The following DNAH12 variants were observed in gnomAD, a reference collection of about 807,000 sequenced individuals.
The protein encoded by DNAH12 is axonemal beta dynein heavy chain 12.
In DNAH12, 285 loss-of-function variants were observed where a neutral mutation model predicts 371.5. The observed-to-expected ratio is 0.77, with a 90% CI of 0.70 to 0.85. The LOEUF (loss-of-function observed/expected upper bound fraction) is 0.85, where lower values mean the gene tolerates loss of function less well. Ranked by LOEUF, DNAH12 falls within the 40% of genes least tolerant of loss-of-function variation. DNAH12 has a pLI of 0.00. For missense variants in DNAH12, 3,611 were observed against 3,689.4 expected, an observed-to-expected ratio of 0.98 and a Z score of 0.55; for synonymous variants, 1,200 against 1,213.0, an observed-to-expected ratio of 0.99 and a Z score of 0.22.
chr3:57,389,381 C>A (rs2063562073), intron 45 of DNAH12, among the ~76,000 whole-genome samples: 1 of 151,696 alleles, frequency 6.6e-6, no homozygotes, highest in Non-Finnish European at 1.5e-5. Context: ...ACTGTATCTT[C>A]AAAAAAAAGA....
intron 60 of DNAH12, among the ~76,000 whole-genome samples, chr3:57,342,380 C>A (rs1297673905): frequency 1.3e-5 from 2 of 150,776 alleles, no homozygotes; most frequent in Admixed American, 1.3e-4. Flanking sequence ...GTGGCTTATG[C>A]CTGTAATCCC....
intron 40 of DNAH12, among the ~76,000 whole-genome samples, chr3:57,407,761 T>C (rs1553681747): frequency 6.6e-6 from 1 of 151,986 alleles, no homozygotes; most frequent in Non-Finnish European, 1.5e-5. Context: ...ATATGGGGAG[T>C]CTTGTTGTCT....
intron 55 of DNAH12, among the ~76,000 whole-genome samples, chr3:57,371,581 A>G (rs1262591010): frequency 6.6e-6 from 1 of 151,890 alleles, no homozygotes; most frequent in Non-Finnish European, 1.5e-5. Flanking sequence ...CAGGAGGCTG[A>G]GCCCAGGAGG....
intron 25 of DNAH12, among the ~76,000 whole-genome samples, chr3:57,450,041 A>T (rs1372165404): frequency 6.6e-6 from 1 of 152,200 alleles, no homozygotes; most frequent in Non-Finnish European, 1.5e-5. Flanking sequence ...TGAGGTCAGG[A>T]GTTCAAGACC....
chr3:57,410,568 C>A (rs1307019537), intron 39 of DNAH12, among the ~76,000 whole-genome samples: 1 of 151,964 alleles, frequency 6.6e-6, no homozygotes, highest in African/African-American at 2.4e-5. Flanking sequence ...CCTGTAATCC[C>A]AGTGCTTTAG....
At chr3:57,444,867 C>T in intron 28 of DNAH12, 51 bp from the exon 29 acceptor site, 2 of 1,517,398 alleles carry the variant, frequency 1.3e-6, no homozygotes, top group Non-Finnish European at 1.8e-6. Context: ...GCAATTGCAA[C>T]CCCACTTCTC....
intron 12 of DNAH12, among the ~76,000 whole-genome samples, chr3:57,484,241 T>C (rs1293578884): frequency 6.6e-6 from 1 of 152,012 alleles, no homozygotes; most frequent in Admixed American, 6.6e-5. Context: ...TTGTGAAACA[T>C]GACAGTACAG....
upstream of DNAH12, among the ~76,000 whole-genome samples, chr3:57,547,385 T>G (rs150071595): frequency 2.7e-4 from 41 of 152,126 alleles, no homozygotes; most frequent in East Asian, 7.9e-3. Flanking sequence ...CTTGAACTCC[T>G]GGCCTCAAGC....
chr3:57,441,824 A>G (rs763291013), intron 29 of DNAH12, among the ~76,000 whole-genome samples: 18 of 152,136 alleles, frequency 1.2e-4, no homozygotes, highest in Non-Finnish European at 2.1e-4. Context: ...TTTTCTGGCA[A>G]AACACATCAA....
At chr3:57,320,558 T>C (rs1052321898) in intron 65 of DNAH12, among the ~76,000 whole-genome samples, 1 of 152,190 alleles carries the variant, frequency 6.6e-6, no homozygotes, top group African/African-American at 2.4e-5. Flanking sequence ...ATTAGCCTTA[T>C]CGAAAGGCAT....
chr3:57,501,585 A>T (rs949658691), intron 10 of DNAH12, among the ~76,000 whole-genome samples, 173 bp from the exon 11 acceptor site: 1 of 152,200 alleles, frequency 6.6e-6, no homozygotes, highest in African/African-American at 2.4e-5. Context: ...AAAGGAAACC[A>T]AGTTAAACAG....
chr3:57,343,567 T>G (rs2062458084), intron 60 of DNAH12, among the ~76,000 whole-genome samples: 1 of 152,196 alleles, frequency 6.6e-6, no homozygotes, highest in Non-Finnish European at 1.5e-5. Flanking sequence ...TTTCTCCCCA[T>G]GTGATAGTCT....
intron 36 of DNAH12, among the ~76,000 whole-genome samples, chr3:57,419,777 A>G (rs2064508884): frequency 6.6e-6 from 1 of 152,170 alleles, no homozygotes. Flanking sequence ...GAAAAATATA[A>G]TGTAACTTTT....
chr3:57,502,910 G>A (rs576685350), intron 9 of DNAH12, among the ~76,000 whole-genome samples: 2 of 152,032 alleles, frequency 1.3e-5, no homozygotes, highest in South Asian at 4.2e-4. Context: ...GAACTCCTGA[G>A]CTCAGGCAAT....
At chr3:57,540,612 C>A (rs1043355934) in intron 2 of DNAH12, among the ~76,000 whole-genome samples, 1 of 152,034 alleles carries the variant, frequency 6.6e-6, no homozygotes, top group Non-Finnish European at 1.5e-5. Flanking sequence ...CATGATAATG[C>A]AAGATAATGA....
At chr3:57,411,200 A>G (rs994427218) in intron 39 of DNAH12, among the ~76,000 whole-genome samples, 12 of 152,202 alleles carry the variant, frequency 7.9e-5, no homozygotes, top group African/African-American at 2.9e-4. Context: ...CTTTTTACAT[A>G]CCAGTAATAA....
chr3:57,397,367 C>T (rs1220499380), intron 43 of DNAH12, among the ~76,000 whole-genome samples: 2 of 152,206 alleles, frequency 1.3e-5, no homozygotes, highest in South Asian at 2.1e-4. Flanking sequence ...GCTCCTCCCC[C>T]AGCTGGGCAC....
At chr3:57,523,444 G>A in intron 4 of DNAH12, 139 bp downstream of exon 4, 1 of 684,178 alleles carries the variant, frequency 1.5e-6, no homozygotes, top group South Asian at 2.3e-5. Flanking sequence ...TTGCTCCCTT[G>A]GGAAGAGAAA....
At chr3:57,551,373 A>G in the DNAH12 span, among the ~76,000 whole-genome samples, 454 of 151,850 alleles carry the variant, frequency 3.0e-3, 2 homozygotes, top group African/African-American at 0.01. Context: ...CCGGGTTCAC[A>G]CCATTCTCCT....
Sources: gnomAD v4.1 joint callset for allele counts (sites outside exome capture counted in the v4.1 genomes callset) on GRCh38, gnomAD v4.1.1 for gene constraint, MANE v1.5 for transcripts, NCBI Gene and HGNC (gene_info 2026-07-23, HGNC 2026-07-21) for gene names.